Variants in CTNNA2 observed in about 807,000 individuals in gnomAD.
The protein encoded by CTNNA2 is catenin alpha-2.
In CTNNA2, 42 loss-of-function variants were observed where a neutral mutation model predicts 101.0. The ratio of observed to expected loss-of-function variants is 0.42; its 90% confidence interval spans 0.32 to 0.54. The LOEUF (loss-of-function observed/expected upper bound fraction) is 0.54, where lower values mean the gene tolerates loss of function less well. CTNNA2 is among the 20% of genes least tolerant of loss of function. The probability of loss-of-function intolerance (pLI) is 0.14; values close to 1 mark genes in which losing one functional copy is unlikely to be tolerated. For missense variants in CTNNA2, 871 were observed against 1,223.1 expected (o/e 0.71, Z 4.29); for synonymous variants, 450 against 456.4 (o/e 0.99, Z 0.18).
chr2:79,950,141 G>T (rs1209748331), intron 7 of CTNNA2, among the ~76,000 whole-genome samples: 1 of 144,398 alleles, frequency 6.9e-6, no homozygotes, highest in South Asian at 2.2e-4. Flanking sequence ...CAGATTTTGT[G>T]AAAAAAAAAA....
intron 9 of CTNNA2, among the ~76,000 whole-genome samples, chr2:80,539,962 G>A (rs779923358): frequency 2.6e-5 from 4 of 152,160 alleles, no homozygotes; most frequent in African/African-American, 7.2e-5. Flanking sequence ...AGGCAGAGGC[G>A]GGGCCCAGTT....
chr2:79,264,733 A>AT (rs5832376), intron 2 of CTNNA2, among the ~76,000 whole-genome samples: 28 of 149,970 alleles, frequency 1.9e-4, no homozygotes, highest in Admixed American at 4.7e-4. Context: ...GCTGCAACCT[A>AT]TTTTTTTTTT....
chr2:79,412,746 G>A (rs951492069), intron 4 of CTNNA2, among the ~76,000 whole-genome samples: 1 of 152,122 alleles, frequency 6.6e-6, no homozygotes, highest in Admixed American at 6.6e-5. Context: ...ATTCAAAGCA[G>A]TGTGTAGAGG....
rs549811575 is a variant in CTNNA2, at chr2:79,412,390, C to A, written c.-135+38377C>A. 2.4e-4 allele frequency among the ~76,000 whole-genome samples: 36 copies of A among 152,076 alleles called. No homozygotes were observed. In the East Asian group the frequency reaches 7.0e-3, roughly 30 times the overall value. The stretch of plus-strand genomic sequence containing the variant: ...GAATTGAACTCAGCTCTGCACCAAG[C>A]AGACCTAATAGACATCTACAGAACT... On this transcript the variant is annotated intron_variant, in intron 4 of 21. Coordinates refer to the CTNNA2 transcript ENST00000466387.
intron 7 of CTNNA2, among the ~76,000 whole-genome samples, chr2:80,033,504 G>C (rs1487808154): frequency 6.6e-6 from 1 of 152,084 alleles, no homozygotes; most frequent in Non-Finnish European, 1.5e-5. Context: ...AAGCCCAGGA[G>C]GTTGAGGCTG....
At chr2:80,175,058 G>T (rs920656267) in intron 7 of CTNNA2, among the ~76,000 whole-genome samples, 2 of 152,184 alleles carry the variant, frequency 1.3e-5, no homozygotes, top group Non-Finnish European at 1.5e-5. Context: ...GCATGGTCTA[G>T]CTCTTCTCCA....
intron 2 of CTNNA2, among the ~76,000 whole-genome samples, chr2:79,201,176 A>G (rs551117542): frequency 6.6e-6 from 1 of 152,252 alleles, no homozygotes; most frequent in South Asian, 2.1e-4. Context: ...GTCAAGTCAG[A>G]TAGAGCTGGT....
chr2:80,192,972 TGTAA>T (rs1706613489), intron 7 of CTNNA2, among the ~76,000 whole-genome samples: 2 of 152,114 alleles, frequency 1.3e-5, no homozygotes, highest in African/African-American at 4.8e-5. Flanking sequence ...TGTGAGTGAT[TGTAA>T]GTGTGTAAGG....
intron 2 of CTNNA2, among the ~76,000 whole-genome samples, chr2:79,202,972 G>A (rs959824338): frequency 7.2e-5 from 11 of 152,148 alleles, no homozygotes; most frequent in Admixed American, 6.5e-4. Context: ...AGATCCGAAT[G>A]GATTTAAAGT....
At chr2:79,689,706 A>G (rs973447650) in intron 2 of CTNNA2, among the ~76,000 whole-genome samples, 1 of 152,044 alleles carries the variant, frequency 6.6e-6, no homozygotes, top group Non-Finnish European at 1.5e-5. Context: ...AGATCGATGT[A>G]ATTATGCATT....
At position 80,383,732 on chromosome 2, in the gene CTNNA2, A is replaced by C. The variant is rs144587169; in HGVS notation, c.1057-9479A>C. ...AATAGATTAGAACTGGACCATTATGAAGGGGAGACCAGATTCTGAAGCCCT... is the reference window on the plus strand; with the variant it reads ...AATAGATTAGAACTGGACCATTATGCAGGGGAGACCAGATTCTGAAGCCCT... On this transcript the variant is annotated intron_variant, in intron 7 of 18. Coordinates refer to ENST00000402739, the MANE Select transcript of CTNNA2 (RefSeq NM_001282597.3). Among the ~76,000 whole-genome samples, 167 of 152,268 alleles carry C rather than the reference A, an allele frequency of 1.1e-3. 1 individual carries two copies. Among genetic ancestry groups the C allele is most frequent in the African/African-American group, 3.8e-3 (156 of 41,538 alleles).
At chr2:80,255,099 C>G (rs1231433606) in intron 7 of CTNNA2, among the ~76,000 whole-genome samples, 2 of 152,176 alleles carry the variant, frequency 1.3e-5, no homozygotes, top group African/African-American at 4.8e-5. Flanking sequence ...ATGTTACCCA[C>G]CAGCCTTCCT....
chr2:80,632,598 C>A (rs1464980029), intron 18 of CTNNA2, among the ~76,000 whole-genome samples: 1 of 152,136 alleles, frequency 6.6e-6, no homozygotes, highest in Non-Finnish European at 1.5e-5. Context: ...ACGAGTACTT[C>A]AGGTAGAAGA....
intron 9 of CTNNA2, among the ~76,000 whole-genome samples, chr2:80,502,560 T>A (rs1387162526): frequency 6.6e-6 from 1 of 152,212 alleles, no homozygotes; most frequent in East Asian, 1.9e-4. Context: ...CTACAATTAT[T>A]ATTTTGTGTT....
rs1674313791 is a variant in CTNNA2 at position 80,648,176 on chromosome 2, ATAAAC to A, written c.*306_*310del. On this transcript the variant is annotated 3_prime_UTR_variant, in exon 19 of 19. Coordinates refer to ENST00000402739, the MANE Select transcript of CTNNA2 (RefSeq NM_001282597.3). ...TATGGGAGTGGGAGGGATGGGGAAA[ATAAAC>A]TTAACTCTACAAAAGCAAACTCTAA... 9.6e-6 allele frequency: 2 copies of A among 207,542 alleles called. No homozygotes were observed. Among genetic ancestry groups the A allele is most frequent in the Non-Finnish European group, 1.9e-5 (2 of 103,168 alleles). The allele number at this position is 207,542 out of a possible 1,614,324, so 12.9% of individuals were successfully genotyped here.
At position 80,139,304 on chromosome 2, in the gene CTNNA2, C is replaced by T. The variant is rs192592488; in HGVS notation, c.1056+229507C>T. Among the ~76,000 whole-genome samples, 130 of 152,192 alleles carry T rather than the reference C, an allele frequency of 8.5e-4. 2 individuals carry two copies. Among genetic ancestry groups the T allele is most frequent in the Non-Finnish European group, 2.4e-4 (16 of 67,986 alleles). ...TGCAGCAAGGAGCCGTCAAAAGCCACCTGATGAAAAATGACCATGGATTGG... is the reference window on the plus strand; with the variant it reads ...TGCAGCAAGGAGCCGTCAAAAGCCATCTGATGAAAAATGACCATGGATTGG... On this transcript the variant is annotated intron_variant, in intron 7 of 18. Transcript: ENST00000402739.
intron 8 of CTNNA2, among the ~76,000 whole-genome samples, chr2:80,415,736 T>C (rs1679980359): frequency 6.6e-6 from 1 of 152,146 alleles, no homozygotes; most frequent in Admixed American, 6.5e-5. Context: ...CCCCTATGTT[T>C]ATTGCAGCAT....
At chr2:80,255,967 C>T (rs1056028639) in intron 7 of CTNNA2, among the ~76,000 whole-genome samples, 1 of 152,072 alleles carries the variant, frequency 6.6e-6, no homozygotes, top group Non-Finnish European at 1.5e-5. Flanking sequence ...ACTGCTTATG[C>T]GAACTTTTTA....
intron 9 of CTNNA2, among the ~76,000 whole-genome samples, chr2:80,441,967 C>A (rs79615707): frequency 6.6e-6 from 1 of 152,194 alleles, no homozygotes; most frequent in African/African-American, 2.4e-5. Context: ...GGCAGTCCTC[C>A]ATGGGCAGGT....
Sources: gnomAD v4.1 joint callset for allele counts (sites outside exome capture counted in the v4.1 genomes callset) on GRCh38, gnomAD v4.1.1 for gene constraint, MANE v1.5 for transcripts, NCBI Gene and HGNC (gene_info 2026-07-23, HGNC 2026-07-21) for gene names.